Variants in TMEM178A observed in about 807,000 individuals in gnomAD.
TMEM178A encodes transmembrane protein 178A.
In TMEM178A, 12 loss-of-function variants were observed where a neutral mutation model predicts 29.1. The observed-to-expected ratio is 0.41, with a 90% CI of 0.26 to 0.67. TMEM178A has a LOEUF of 0.67. TMEM178A is among the 30% of genes least tolerant of loss of function. The probability of loss-of-function intolerance (pLI) is 0.29; values close to 1 mark genes in which losing one functional copy is unlikely to be tolerated. For synonymous variants in TMEM178A, 210 were observed against 187.2 expected (o/e 1.12, Z -0.99); for missense variants, 366 against 419.1 (o/e 0.87, Z 1.11).
chr2:39,702,451 G>C (rs1671825316), intron 1 of TMEM178A, among the ~76,000 whole-genome samples: 1 of 152,136 alleles, frequency 6.6e-6, no homozygotes, highest in Non-Finnish European at 1.5e-5. Context: ...CTCAGGGTCA[G>C]TCTGATGAGT....
At chr2:39,725,982 A>G in the TMEM178A span, among the ~76,000 whole-genome samples, 1 of 152,244 alleles carries the variant, frequency 6.6e-6, no homozygotes, top group African/African-American at 2.4e-5. Context: ...AGCACCTAGT[A>G]TGTGCCAGAG....
At chr2:39,697,930 A>C (rs1227564868) in intron 1 of TMEM178A, 1 of 152,202 alleles carries the variant, frequency 6.6e-6, no homozygotes, top group Non-Finnish European at 1.5e-5. Context: ...TGAGTCTGAG[A>C]AAATAGTTTC....
intron 1 of TMEM178A, among the ~76,000 whole-genome samples, chr2:39,669,092 T>C (rs1670298529): frequency 6.6e-6 from 1 of 152,178 alleles, no homozygotes; most frequent in South Asian, 2.1e-4. Context: ...AGTCTTAGCA[T>C]CGTTTAGAAA....
the TMEM178A span, among the ~76,000 whole-genome samples, chr2:39,725,149 C>T: frequency 1.4e-4 from 21 of 151,960 alleles, no homozygotes; most frequent in Non-Finnish European, 2.6e-4. Context: ...GAGGAAAGAC[C>T]GAGGGTGAGC....
intron 1 of TMEM178A, among the ~76,000 whole-genome samples, chr2:39,690,643 C>T (rs1374006474): frequency 6.6e-6 from 1 of 152,116 alleles, no homozygotes; most frequent in East Asian, 1.9e-4. Context: ...ACTGCTTCTT[C>T]AAATGTGAAA....
chr2:39,719,739 A>G (rs1198093296), downstream of TMEM178A, among the ~76,000 whole-genome samples: 3 of 151,634 alleles, frequency 2.0e-5, no homozygotes, highest in Admixed American at 1.3e-4. Context: ...TTTTTAACAG[A>G]CTTGTCCTTG....
chr2:39,714,310 G>T (rs530167112), intron 3 of TMEM178A, among the ~76,000 whole-genome samples: 1 of 151,918 alleles, frequency 6.6e-6, no homozygotes, highest in South Asian at 2.1e-4. Context: ...AAGGCAACAA[G>T]AAATAAAACA....
chr2:39,730,642 C>T, the TMEM178A span, among the ~76,000 whole-genome samples: 24 of 152,292 alleles, frequency 1.6e-4, no homozygotes, highest in African/African-American at 5.5e-4. Context: ...TCTAACGTAA[C>T]TGATCTTTCC....
At chr2:39,687,697 G>A (rs1050277914) in intron 1 of TMEM178A, among the ~76,000 whole-genome samples, 2 of 152,202 alleles carry the variant, frequency 1.3e-5, no homozygotes, top group African/African-American at 4.8e-5. Flanking sequence ...GTGGGTAGAA[G>A]GCAGCATCAA....
Position 39,689,877 on chromosome 2 carries a change from A to G in TMEM178A, c.401-14204A>G, listed in dbSNP as rs147141223. The stretch of plus-strand genomic sequence containing the variant: ...TTTGAGAAAAAAAATCTGAGAATAG[A>G]TACCTTGAAGAGGAGAATAAGAACA... On this transcript the variant is annotated intron_variant, in intron 1 of 3. Transcript: ENST00000281961. Among the ~76,000 whole-genome samples the G allele has an allele frequency of 1.1e-3, 165 of 152,334 alleles. 1 individual carries two copies. Among genetic ancestry groups the G allele is most frequent in the African/African-American group, 3.8e-3 (158 of 41,574 alleles).
intron 1 of TMEM178A, among the ~76,000 whole-genome samples, chr2:39,676,618 C>A (rs1382117592): frequency 6.6e-6 from 1 of 152,196 alleles, no homozygotes; most frequent in African/African-American, 2.4e-5. Flanking sequence ...AAGCTTCAGC[C>A]CTGGGGCTGG....
chr2:39,693,750 G>A (rs1275642444), intron 1 of TMEM178A, among the ~76,000 whole-genome samples: 1 of 152,200 alleles, frequency 6.6e-6, no homozygotes, highest in African/African-American at 2.4e-5. Flanking sequence ...GTCACCAACT[G>A]TATGCCAAGA....
At chr2:39,681,251 C>A (rs1044716414) in intron 1 of TMEM178A, among the ~76,000 whole-genome samples, 4 of 152,166 alleles carry the variant, frequency 2.6e-5, no homozygotes, top group African/African-American at 9.7e-5. Context: ...TTAAATCCTT[C>A]CACACAAAGC....
chr2:39,718,784 C>T (rs1236551831), downstream of TMEM178A, among the ~76,000 whole-genome samples: 1 of 152,088 alleles, frequency 6.6e-6, no homozygotes, highest in Non-Finnish European at 1.5e-5. Context: ...GGGGCACTCG[C>T]CGACTTCTAA....
chr2:39,724,291 AAAG>A, the TMEM178A span, among the ~76,000 whole-genome samples: 1 of 152,170 alleles, frequency 6.6e-6, no homozygotes, highest in Non-Finnish European at 1.5e-5. Flanking sequence ...CAAAAAAAAA[AAAG>A]AGGCTATCTA....
chr2:39,705,327 A>G (rs192309751), intron 2 of TMEM178A, among the ~76,000 whole-genome samples: 1 of 152,348 alleles, frequency 6.6e-6, no homozygotes, highest in East Asian at 1.9e-4. Context: ...TAAGCTTAAC[A>G]TGACTGGTAC....
the TMEM178A span, among the ~76,000 whole-genome samples, chr2:39,726,029 CA>C: frequency 3.3e-5 from 5 of 152,122 alleles, no homozygotes; most frequent in African/African-American, 1.2e-4. Flanking sequence ...GTGAATAAAT[CA>C]AAGCTGCTGC....
chr2:39,728,294 A>G, the TMEM178A span, among the ~76,000 whole-genome samples: 2 of 152,030 alleles, frequency 1.3e-5, no homozygotes, highest in South Asian at 4.2e-4. Context: ...TTTGATTTGC[A>G]TTTCTCTGAG....
chr2:39,675,960 T>C (rs572302104), intron 1 of TMEM178A, among the ~76,000 whole-genome samples: 7 of 152,108 alleles, frequency 4.6e-5, no homozygotes, highest in Non-Finnish European at 1.0e-4. Context: ...TCTTTTTAAA[T>C]TTTTTTGTAG....
Sources: gnomAD v4.1 joint callset for allele counts (sites outside exome capture counted in the v4.1 genomes callset) on GRCh38, gnomAD v4.1.1 for gene constraint, MANE v1.5 for transcripts, NCBI Gene and HGNC (gene_info 2026-07-23, HGNC 2026-07-21) for gene names.